LEF1: variants seen among roughly 807,000 people sequenced by gnomAD.
LEF1 encodes the protein lymphoid enhancer-binding factor 1.
Under a neutral mutation model 51.2 loss-of-function variants are expected in LEF1, and 14 were observed. The ratio of observed to expected loss-of-function variants is 0.27; its 90% CI spans 0.18 to 0.43. LEF1 has a LOEUF of 0.43. Among genes scored for constraint, LEF1 ranks in the 20% least tolerant of loss-of-function variants. The pLI is 1.00. For synonymous variants in LEF1, 185 were observed against 183.2 expected (o/e 1.01, Z -0.08); for missense variants, 386 against 512.0 (o/e 0.75, Z 2.37).
intron 10 of LEF1, 41 bp downstream of exon 10, chr4:108,064,295 C>T: frequency 1.3e-6 from 2 of 1,488,214 alleles, no homozygotes; most frequent in Non-Finnish European, 1.9e-6. Context: ...AGGTGTTTGT[C>T]AGAAGCCTGA....
chr4:108,093,005 G>A (rs1654421931), intron 3 of LEF1, among the ~76,000 whole-genome samples: 1 of 151,236 alleles, frequency 6.6e-6, no homozygotes, highest in East Asian at 1.9e-4. Context: ...TGAACCTGGT[G>A]ATAGGAGAAA....
At chr4:108,070,634 A>G in intron 9 of LEF1, 29 bp downstream of exon 9, 2 of 1,408,102 alleles carry the variant, frequency 1.4e-6, no homozygotes, top group African/African-American at 1.4e-5. Flanking sequence ...GTGAGAGTGG[A>G]GAGCCACTGG....
chr4:108,069,729 G>C (rs1335465413), intron 9 of LEF1, among the ~76,000 whole-genome samples: 1 of 152,180 alleles, frequency 6.6e-6, no homozygotes, highest in Non-Finnish European at 1.5e-5. Flanking sequence ...GGCAGAAGCA[G>C]ACAGATCAGC....
intron 3 of LEF1, among the ~76,000 whole-genome samples, chr4:108,146,034 A>T (rs1743982622): frequency 6.6e-6 from 1 of 152,254 alleles, no homozygotes; most frequent in Non-Finnish European, 1.5e-5. Context: ...AAACTATTTT[A>T]AAAATAAGTG....
At chr4:108,142,993 T>C (rs532869488) in intron 3 of LEF1, among the ~76,000 whole-genome samples, 34 of 152,342 alleles carry the variant, frequency 2.2e-4, no homozygotes, top group African/African-American at 7.7e-4. Context: ...CTAAAACTTA[T>C]TGACATAGGA....
intron 3 of LEF1, among the ~76,000 whole-genome samples, chr4:108,109,657 G>A (rs1741397114): frequency 6.6e-6 from 1 of 152,130 alleles, no homozygotes. Context: ...TGACCAATAG[G>A]CACTAGATAT....
At chr4:108,117,748 G>A (rs1741928703) in intron 3 of LEF1, among the ~76,000 whole-genome samples, 1 of 152,178 alleles carries the variant, frequency 6.6e-6, no homozygotes, top group African/African-American at 2.4e-5. Flanking sequence ...GGATCAGGGT[G>A]GGCGTGAAGG....
Position 108,167,510 on chromosome 4 carries a change from A to C in LEF1, c.213+45T>G. ...CCCTTCCTCCCTCTCTGAGTTTCCC[A>C]GGGACCCGCCACGCCTCTCGGAACT... On this transcript the variant is annotated intron_variant, in intron 1 of 11. Coordinates refer to ENST00000265165, the MANE Select transcript of LEF1 (RefSeq NM_016269.5). This position sits in a 1 kb window ranked among gnomAD's most constrained non-coding sequence, Gnocchi z 5.7. The C allele has an allele frequency of 3.1e-6, 5 of 1,597,700 alleles. No homozygotes were observed. Among genetic ancestry groups the C allele is most frequent in the Non-Finnish European group, 4.3e-6 (5 of 1,168,238 alleles).
rs1040639408 is a variant in LEF1, at chr4:108,076,622, C to T, written c.1008+1598G>A. 7.9e-5 allele frequency among the ~76,000 whole-genome samples: 12 copies of T among 152,156 alleles called. No individual in the cohort carries two copies. The South Asian group carries it at 1.4e-3, about 18-fold the overall frequency. On this transcript the variant is annotated intron_variant, in intron 8 of 11. Transcript: ENST00000265165. Reference sequence around the variant, plus strand: ...TGAACTCCTGACCTCAGGTGATCTGCCTGCCTCGGCCTCTCAAAGTGCTGA... The same window carrying T: ...TGAACTCCTGACCTCAGGTGATCTGTCTGCCTCGGCCTCTCAAAGTGCTGA...
At chr4:108,093,013 A>T (rs778125166) in intron 3 of LEF1, among the ~76,000 whole-genome samples, 4 of 151,772 alleles carry the variant, frequency 2.6e-5, no homozygotes, top group Admixed American at 1.3e-4. Context: ...GTGATAGGAG[A>T]AAGTGTGTAT....
chr4:108,158,637 AC>A (rs1254844324), intron 3 of LEF1, among the ~76,000 whole-genome samples: 1 of 152,148 alleles, frequency 6.6e-6, no homozygotes, highest in Admixed American at 6.5e-5. Flanking sequence ...TAAATGAGGA[AC>A]AAAAGGAGTC....
intron 8 of LEF1, among the ~76,000 whole-genome samples, chr4:108,075,115 T>C (rs961232349): frequency 6.6e-6 from 1 of 152,138 alleles, no homozygotes; most frequent in South Asian, 2.1e-4. Context: ...GGGAAAGCAT[T>C]GTAATTATTG....
chr4:108,057,024 C>T (rs1737352935), intron 11 of LEF1, among the ~76,000 whole-genome samples: 2 of 152,028 alleles, frequency 1.3e-5, no homozygotes. Flanking sequence ...CCACGTGTTG[C>T]CCTGGCTGCC....
chr4:108,118,545 G>A (rs1049376718), intron 3 of LEF1, among the ~76,000 whole-genome samples: 2 of 152,216 alleles, frequency 1.3e-5, no homozygotes, highest in Non-Finnish European at 2.9e-5. Flanking sequence ...TCTATGTAAG[G>A]CCACCTCAGG....
At chr4:108,132,176 C>T (rs1192539020) in intron 3 of LEF1, among the ~76,000 whole-genome samples, 3 of 152,176 alleles carry the variant, frequency 2.0e-5, no homozygotes, top group Middle Eastern at 6.8e-3. Flanking sequence ...TTAACTAGTC[C>T]GGCTGATAGG....
chr4:108,122,025 T>G (rs1742209972), intron 3 of LEF1, among the ~76,000 whole-genome samples: 1 of 152,188 alleles, frequency 6.6e-6, no homozygotes, highest in African/African-American at 2.4e-5. Flanking sequence ...TCCTTTGAAG[T>G]TTTTTAACAC....
intron 3 of LEF1, among the ~76,000 whole-genome samples, chr4:108,107,096 C>T (rs1741217364): frequency 2.0e-5 from 3 of 152,102 alleles, no homozygotes; most frequent in Admixed American, 6.5e-5. Flanking sequence ...ATTGATCTTG[C>T]TCGAAAGGAG....
At chr4:108,165,288 C>A in intron 1 of LEF1, 125 bp from the exon 2 acceptor site, 2 of 806,948 alleles carry the variant, frequency 2.5e-6, no homozygotes, top group Non-Finnish European at 2.2e-6. Flanking sequence ...CTGTTTTATA[C>A]TCTGAGAGAC....
intron 11 of LEF1, among the ~76,000 whole-genome samples, chr4:108,060,231 C>T (rs186329310): frequency 5.1e-4 from 77 of 152,164 alleles, no homozygotes; most frequent in Admixed American, 4.4e-3. Flanking sequence ...TTTTCAAGGT[C>T]GTGCAGAAGC....
Sources: allele counts gnomAD v4.1 joint callset (sites outside exome capture counted in the v4.1 genomes callset), GRCh38; gene constraint gnomAD v4.1.1; non-coding constraint Gnocchi (gnomAD v3.1); transcripts MANE v1.5; gene names NCBI Gene and HGNC (gene_info 2026-07-23, HGNC 2026-07-21).